Variants in ICOS observed in about 807,000 individuals in gnomAD.
ICOS encodes the protein inducible T cell costimulator.
ICOS carries 15 observed loss-of-function variants against 24.6 expected under a neutral mutation model. The ratio of observed to expected loss-of-function variants is 0.61; its 90% CI spans 0.41 to 0.94. ICOS has a LOEUF of 0.94. ICOS is among the 40% of genes least tolerant of loss of function. The probability of loss-of-function intolerance (pLI) is 0.00; values close to 1 mark genes in which losing one functional copy is unlikely to be tolerated. For synonymous variants in ICOS, 89 were observed against 77.5 expected, an observed-to-expected ratio of 1.15 and a Z score of -0.78; for missense variants, 200 against 233.0, an observed-to-expected ratio of 0.86 and a Z score of 0.92.
intron 1 of ICOS, among the ~76,000 whole-genome samples, chr2:203,939,449 T>C (rs1379005300): frequency 6.6e-6 from 1 of 152,174 alleles, no homozygotes; most frequent in Admixed American, 6.5e-5. Flanking sequence ...AATGTCTAAC[T>C]ACATTTTGAA....
At chr2:203,949,621 A>G (rs1689934984) in intron 1 of ICOS, among the ~76,000 whole-genome samples, 1 of 152,232 alleles carries the variant, frequency 6.6e-6, no homozygotes, top group Non-Finnish European at 1.5e-5. Flanking sequence ...AGGAAGCATG[A>G]GGAGCATATC....
At chr2:203,950,041 G>C (rs1269522982) in intron 1 of ICOS, among the ~76,000 whole-genome samples, 1 of 152,240 alleles carries the variant, frequency 6.6e-6, no homozygotes, top group Non-Finnish European at 1.5e-5. Flanking sequence ...ATTTTCAAAT[G>C]TTACCAAAGG....
intron 1 of ICOS, among the ~76,000 whole-genome samples, chr2:203,946,121 AT>A (rs1256130179): frequency 6.6e-6 from 1 of 152,222 alleles, no homozygotes; most frequent in Non-Finnish European, 1.5e-5. Flanking sequence ...ATAGTTTCAA[AT>A]CAAAGGCAAT....
chr2:203,955,682 C>A lies in ICOS; in HGVS notation c.105C>A (p.Asn35Lys). The A allele has an allele frequency of 6.2e-7, 1 of 1,613,312 alleles. No individual in the cohort carries two copies. The highest frequency in any genetic ancestry group is 1.3e-5 in the African/African-American group (1 of 74,962). Reference sequence around the variant, plus strand: ...ATTATGAGATGTTTATATTTCACAACGGAGGTGTACAAATTTTATGCAAAT... The same window carrying A: ...ATTATGAGATGTTTATATTTCACAAAGGAGGTGTACAAATTTTATGCAAAT... ...SANYEMFIFHNGGVQILCKYP... is the reference protein window; with the variant it reads ...SANYEMFIFHKGGVQILCKYP... Residue 35 changes from asparagine to lysine, a missense_variant, in exon 2 of 5, where the codon AAC becomes AAA. Asn to Lys is a moderately conservative substitution (Grantham distance 94). Coordinates refer to ENST00000316386, the MANE Select transcript of ICOS (RefSeq NM_012092.4).
At chr2:203,955,568 T>C in intron 1 of ICOS, 68 bp from the exon 2 acceptor site, 1 of 1,347,096 alleles carries the variant, frequency 7.4e-7, no homozygotes, top group Non-Finnish European at 1.1e-6. Context: ...GCTTTTATGT[T>C]AAAATATAAT....
At chr2:203,949,414 G>A (rs1326817667) in intron 1 of ICOS, among the ~76,000 whole-genome samples, 1 of 152,140 alleles carries the variant, frequency 6.6e-6, no homozygotes, top group Non-Finnish European at 1.5e-5. Flanking sequence ...GTGTGACCTC[G>A]GGCAAATAAT....
chr2:203,951,483 C>T (rs1450336212), intron 1 of ICOS, among the ~76,000 whole-genome samples: 2 of 152,192 alleles, frequency 1.3e-5, no homozygotes, highest in African/African-American at 2.4e-5. Flanking sequence ...AGCCACAGAG[C>T]CTTGCTAGTG....
intron 1 of ICOS, among the ~76,000 whole-genome samples, chr2:203,941,187 T>C (rs181706575): frequency 4.6e-5 from 7 of 152,200 alleles, no homozygotes; most frequent in African/African-American, 1.4e-4. Context: ...GTCATTTTTT[T>C]CCTAGTATTT....
chr2:203,950,878 G>T (rs1414921466), intron 1 of ICOS, among the ~76,000 whole-genome samples: 1 of 151,882 alleles, frequency 6.6e-6, no homozygotes, highest in Non-Finnish European at 1.5e-5. Context: ...TGGCCAACAC[G>T]GTGAAACCCT....
chr2:203,959,146 C>G (rs191378684), intron 4 of ICOS, among the ~76,000 whole-genome samples: 385 of 152,320 alleles, frequency 2.5e-3, no homozygotes, highest in Non-Finnish European at 4.5e-3. Context: ...TTGGGGTTGC[C>G]TGCGGAGGGC....
chr2:203,950,310 G>A (rs1689947029), intron 1 of ICOS, among the ~76,000 whole-genome samples: 1 of 152,128 alleles, frequency 6.6e-6, no homozygotes, highest in Non-Finnish European at 1.5e-5. Flanking sequence ...TGATGAGGAG[G>A]TTCTTGAGAG....
intron 4 of ICOS, 32 bp from the exon 5 acceptor site, chr2:203,959,554 T>G (rs1411721164): frequency 6.2e-7 from 1 of 1,603,288 alleles, no homozygotes; most frequent in Non-Finnish European, 8.5e-7. Context: ...ATGGAGAGCA[T>G]TTAGATAATT....
chr2:203,956,697 A>C lies in ICOS; in HGVS notation c.433A>C (p.Ile145Leu), dbSNP rs1215221919. The change falls in exon 3 of 5, where the codon ATA (isoleucine) becomes CTA (leucine). Residue 145 changes from isoleucine to leucine, a missense_variant. Physicochemically the swap from Ile to Leu is conservative, Grantham distance 5 (BLOSUM62 2). Coordinates refer to ENST00000316386, the MANE Select transcript of ICOS (RefSeq NM_012092.4). ...LCCQLKFWLP[I>L]GCAAFVVVCI... is the part of the protein sequence containing the mutation. ...TTGCCAGCTGAAGTTCTGGTTACCC[A>C]TAGGATGTGCAGCCTTTGTTGTAGT... 2 of 1,613,538 alleles carry C rather than the reference A, an allele frequency of 1.2e-6. No individual in the cohort carries two copies. The highest frequency in any genetic ancestry group is 1.7e-6 in the Non-Finnish European group (2 of 1,179,512).
At chr2:203,944,647 G>T (rs1689838311) in intron 1 of ICOS, among the ~76,000 whole-genome samples, 1 of 152,096 alleles carries the variant, frequency 6.6e-6, no homozygotes, top group African/African-American at 2.4e-5. Flanking sequence ...CTTCCACTAT[G>T]TTCAAGGTCC....
In ICOS at chr2:203,957,820, G is replaced by A. The variant is rs778908715; in HGVS notation, c.523G>A (p.Asp175Asn). The change falls in exon 4 of 5, where the codon GAC becomes AAC. Residue 175 changes from aspartate to asparagine, a missense_variant. Coordinates refer to ENST00000316386, the MANE Select transcript of ICOS (RefSeq NM_012092.4). Reference sequence around the variant, plus strand: ...TCAGAAGTATTCATCCAGTGTGCACGACCCTAACGGTGAATACATGTTCAT... The same window carrying A: ...TCAGAAGTATTCATCCAGTGTGCACAACCCTAACGGTGAATACATGTTCAT... Reference protein sequence around the residue: ...TKKKYSSSVHDPNGEYMFMRA... With the variant: ...TKKKYSSSVHNPNGEYMFMRA... 8.1e-6 allele frequency: 13 copies of A among 1,612,812 alleles called. No homozygotes were observed. Among genetic ancestry groups the A allele is most frequent in the South Asian group, 6.6e-5 (6 of 91,040 alleles).
chr2:203,955,576 A>T (rs547348342), intron 1 of ICOS, 60 bp from the exon 2 acceptor site: 2 of 1,380,296 alleles, frequency 1.4e-6, no homozygotes, highest in South Asian at 1.2e-5. Context: ...GTTAAAATAT[A>T]ATTATTAGGG....
Position 203,936,785 on chromosome 2 carries a change from C to A in ICOS, c.-30C>A, listed in dbSNP as rs959177820. ...TTCACTGTCAGCTTTGAACACTGAA[C>A]GCGAGGACTGTTAACTGTTTCTGGC... On this transcript the variant is annotated 5_prime_UTR_variant, in exon 1 of 5. Coordinates refer to ENST00000316386, the MANE Select transcript of ICOS (RefSeq NM_012092.4). 1.9e-6 allele frequency: 3 copies of A among 1,587,456 alleles called. No individual in the cohort carries two copies. Among genetic ancestry groups the A allele is most frequent in the South Asian group, 2.2e-5 (2 of 90,540 alleles).
At chr2:203,957,239 A>G in intron 3 of ICOS, among the ~76,000 whole-genome samples, 1 of 152,200 alleles carries the variant, frequency 6.6e-6, no homozygotes, top group East Asian at 1.9e-4. Context: ...CTAAGGTGTC[A>G]ATTGTAGCTG....
At chr2:203,957,430 C>T (rs1168716251) in intron 3 of ICOS, among the ~76,000 whole-genome samples, 1 of 152,206 alleles carries the variant, frequency 6.6e-6, no homozygotes, top group Non-Finnish European at 1.5e-5. Context: ...ACTGACACCA[C>T]TCTGCATATT....
Sources: allele counts gnomAD v4.1 joint callset (sites outside exome capture counted in the v4.1 genomes callset), GRCh38; gene constraint gnomAD v4.1.1; transcripts MANE v1.5; gene names NCBI Gene and HGNC (gene_info 2026-07-23, HGNC 2026-07-21).